Variants in CNTN4 observed in about 807,000 individuals in gnomAD.
CNTN4 encodes contactin 4.
CNTN4 carries 77 observed loss-of-function variants against 122.5 expected under a neutral mutation model. That is an observed-to-expected ratio of 0.63 (90% CI 0.52 to 0.76). The LOEUF (loss-of-function observed/expected upper bound fraction) is 0.76. Ranked by LOEUF, CNTN4 falls within the 30% of genes least tolerant of loss-of-function variation. The pLI is 0.00. For synonymous variants in CNTN4, 512 were observed against 447.0 expected (o/e 1.15, Z -1.83); for missense variants, 1,256 against 1,259.1 (o/e 1.00, Z 0.04).
intron 4 of CNTN4, among the ~76,000 whole-genome samples, chr3:2,731,557 T>A (rs940018109): frequency 1.3e-5 from 2 of 152,204 alleles, no homozygotes; most frequent in African/African-American, 2.4e-5. Flanking sequence ...CTTGGCAATC[T>A]TACTGCTCAC....
rs117876114 is a variant in CNTN4, at chr3:2,384,480, A to G, written c.-89+45247A>G. Reference sequence around the variant, plus strand: ...AAACTGCTTAGATTTAATGTTAGAGAATGCCAAGAAGAGACATATTTATTA... The same window carrying G: ...AAACTGCTTAGATTTAATGTTAGAGGATGCCAAGAAGAGACATATTTATTA... On this transcript the variant is annotated intron_variant, in intron 3 of 24. Transcript: ENST00000418658. Among the ~76,000 whole-genome samples, 19 of 152,346 alleles carry G rather than the reference A, an allele frequency of 1.2e-4. No individual in the cohort carries two copies. In the East Asian group the frequency reaches 3.5e-3, roughly 28 times the overall value.
intron 13 of CNTN4, among the ~76,000 whole-genome samples, chr3:2,949,863 C>G (rs527695043): frequency 1.3e-5 from 2 of 152,276 alleles, no homozygotes; most frequent in South Asian, 4.1e-4. Flanking sequence ...GATAGAACAT[C>G]TTTAATTTGT....
At chr3:2,799,660 C>T (rs1037580344) in intron 6 of CNTN4, among the ~76,000 whole-genome samples, 13 of 152,058 alleles carry the variant, frequency 8.5e-5, no homozygotes, top group African/African-American at 2.2e-4. Flanking sequence ...GACGGAATTT[C>T]GCCACGTTTG....
intron 3 of CNTN4, among the ~76,000 whole-genome samples, chr3:2,426,410 G>T (rs536648276): frequency 2.6e-5 from 4 of 152,228 alleles, no homozygotes; most frequent in African/African-American, 9.6e-5. Context: ...TGCATCCCAG[G>T]GATGAAACCC....
chr3:2,962,948 C>G (rs564286122), intron 13 of CNTN4, among the ~76,000 whole-genome samples: 1 of 152,216 alleles, frequency 6.6e-6, no homozygotes, highest in African/African-American at 2.4e-5. Context: ...TTCAATGACC[C>G]TCTCAAATGG....
intron 3 of CNTN4, among the ~76,000 whole-genome samples, chr3:2,557,172 C>G (rs1232819375): frequency 6.6e-6 from 1 of 152,084 alleles, no homozygotes; most frequent in Admixed American, 6.5e-5. Context: ...CCACAGATAA[C>G]TAAAATTACT....
intron 7 of CNTN4, among the ~76,000 whole-genome samples, chr3:2,821,950 T>C (rs973953133): frequency 6.6e-6 from 1 of 152,248 alleles, no homozygotes; most frequent in Non-Finnish European, 1.5e-5. Context: ...ATGTTTTCTT[T>C]CTCATCTAAT....
chr3:2,688,344 A>G (rs2085546211), intron 4 of CNTN4, among the ~76,000 whole-genome samples: 1 of 152,194 alleles, frequency 6.6e-6, no homozygotes, highest in African/African-American at 2.4e-5. Context: ...CCTCCACCCA[A>G]GAACCAAAGG....
chr3:2,664,232 T>G (rs2084039596), intron 4 of CNTN4, among the ~76,000 whole-genome samples: 1 of 152,186 alleles, frequency 6.6e-6, no homozygotes, highest in South Asian at 2.1e-4. Context: ...CAGTGAAGTT[T>G]GGGGTAATAG....
intron 7 of CNTN4, among the ~76,000 whole-genome samples, chr3:2,836,404 CCT>C (rs1181854013): frequency 6.6e-6 from 1 of 152,112 alleles, no homozygotes; most frequent in East Asian, 1.9e-4. Flanking sequence ...AAAGGGAATG[CCT>C]CTCTCTTATT....
intron 2 of CNTN4, among the ~76,000 whole-genome samples, chr3:2,249,084 G>A (rs1223445845): frequency 3.3e-5 from 5 of 151,734 alleles, no homozygotes; most frequent in African/African-American, 7.3e-5. Flanking sequence ...TACATATATT[G>A]AAACATCACT....
At chr3:2,659,980 T>C (rs930857555) in intron 4 of CNTN4, among the ~76,000 whole-genome samples, 4 of 152,358 alleles carry the variant, frequency 2.6e-5, no homozygotes, top group African/African-American at 9.6e-5. Flanking sequence ...ATCCTATTTC[T>C]GTTTGTCTTT....
chr3:2,786,806 T>C (rs1441702466), intron 6 of CNTN4, among the ~76,000 whole-genome samples: 3 of 152,160 alleles, frequency 2.0e-5, no homozygotes, highest in Non-Finnish European at 4.4e-5. Flanking sequence ...TGAAGTGCAA[T>C]TGAATGGTAT....
intron 8 of CNTN4, among the ~76,000 whole-genome samples, chr3:2,875,656 G>GA (rs1409269410): frequency 1.3e-5 from 2 of 152,084 alleles, no homozygotes; most frequent in African/African-American, 4.8e-5. Context: ...GCCTTTTACA[G>GA]AAAAAACTTT....
chr3:2,967,675 A>C (rs1298647856), intron 13 of CNTN4, among the ~76,000 whole-genome samples: 2 of 152,166 alleles, frequency 1.3e-5, no homozygotes, highest in Non-Finnish European at 2.9e-5. Flanking sequence ...TTGCAATGGC[A>C]GTTTCCATAT....
intron 10 of CNTN4, among the ~76,000 whole-genome samples, chr3:2,895,920 C>T (rs964046692): frequency 3.3e-5 from 5 of 152,150 alleles, no homozygotes; most frequent in Admixed American, 6.5e-5. Flanking sequence ...GTGGTCCCAG[C>T]TACTCGGGAG....
At chr3:2,461,969 C>A (rs144012165) in intron 3 of CNTN4, among the ~76,000 whole-genome samples, 1 of 152,268 alleles carries the variant, frequency 6.6e-6, no homozygotes, top group East Asian at 1.9e-4. Context: ...TTCTCCCACT[C>A]CAGGAGCATG....
chr3:2,363,764 C>T (rs2045259806), intron 3 of CNTN4, among the ~76,000 whole-genome samples: 1 of 152,166 alleles, frequency 6.6e-6, no homozygotes, highest in Admixed American at 6.5e-5. Flanking sequence ...GCATCCTCTT[C>T]AAAGTGGCTT....
chr3:2,412,081 T>G (rs757939655), intron 3 of CNTN4, among the ~76,000 whole-genome samples: 7 of 152,192 alleles, frequency 4.6e-5, no homozygotes, highest in Non-Finnish European at 8.8e-5. Flanking sequence ...AAGTACGTAC[T>G]GTTTTATGTC....
Sources: allele counts gnomAD v4.1 joint callset (sites outside exome capture counted in the v4.1 genomes callset), GRCh38; gene constraint gnomAD v4.1.1; transcripts MANE v1.5; gene names NCBI Gene and HGNC (gene_info 2026-07-23, HGNC 2026-07-21).